The following ZNF568 variants were observed in gnomAD, a reference collection of about 807,000 sequenced individuals.
ZNF568 encodes the protein p53 inhibitor of SCO2 activation.
A neutral mutation model predicts 18.1 loss-of-function variants in ZNF568; 11 were observed. The ratio of observed to expected loss-of-function variants is 0.61; its 90% CI spans 0.38 to 1.00. The LOEUF (loss-of-function observed/expected upper bound fraction) is 1.00. Ranked by LOEUF, ZNF568 falls within the 50% of genes least tolerant of loss-of-function variation. The pLI is 0.01. For synonymous variants in ZNF568, 213 were observed against 246.6 expected (o/e 0.86, Z 1.28); for missense variants, 639 against 768.2 (o/e 0.83, Z 1.99).
At chr19:36,960,221 G>T (rs2074138217) in intron 6 of ZNF568, among the ~76,000 whole-genome samples, 2 of 147,790 alleles carry the variant, frequency 1.4e-5, no homozygotes, top group Admixed American at 1.4e-4. Context: ...GGGTTCAAGT[G>T]GTTCTCCAGC....
chr19:36,922,705 A>C lies in ZNF568; in HGVS notation c.-66A>C. The C allele has an allele frequency of 4.8e-6, 7 of 1,448,196 alleles. No individual in the cohort carries two copies. The highest frequency in any genetic ancestry group is 1.2e-5 in the South Asian group (1 of 84,890). 89.7% of individuals were successfully genotyped at this position (1,448,196 alleles called of 1,614,324 possible). ...GCCTTAGAGGCTGGAGAGTCCTGAA[A>C]GAGAGTGGACCCTGGAGTTGCTGGA... On this transcript the variant is annotated 5_prime_UTR_variant, in exon 3 of 7. Coordinates refer to ENST00000333987, the MANE Select transcript of ZNF568 (RefSeq NM_198539.4).
intron 4 of ZNF568, 186 bp from the exon 5 acceptor site, chr19:36,936,560 T>G (rs1237167214): frequency 8.5e-6 from 4 of 468,254 alleles, no homozygotes; most frequent in Non-Finnish European, 1.5e-5. Flanking sequence ...ATGTATAATG[T>G]TTTTTGTCAG....
intron 4 of ZNF568, 95 bp downstream of exon 4, chr19:36,925,353 G>A: frequency 1.7e-6 from 2 of 1,147,930 alleles, no homozygotes; most frequent in Admixed American, 2.3e-5. Context: ...AAAATAAATT[G>A]ATGAAAATAA....
chr19:36,985,816 C>A (rs1215983585), intron 2 of ZNF568, among the ~76,000 whole-genome samples: 1 of 152,180 alleles, frequency 6.6e-6, no homozygotes, highest in Non-Finnish European at 1.5e-5. Flanking sequence ...AGCCTCTACA[C>A]CTGGCCATTT....
At chr19:36,985,854 C>A (rs1003298795) in intron 2 of ZNF568, among the ~76,000 whole-genome samples, 1 of 152,022 alleles carries the variant, frequency 6.6e-6, no homozygotes, top group Non-Finnish European at 1.5e-5. Flanking sequence ...TTTGTTTAGG[C>A]AAAATTCACA....
intron 2 of ZNF568, among the ~76,000 whole-genome samples, chr19:36,987,295 C>A (rs1416734959): frequency 6.6e-6 from 1 of 152,114 alleles, no homozygotes; most frequent in Non-Finnish European, 1.5e-5. Context: ...CATTGTGTAT[C>A]TGGGTAATTG....
intron 4 of ZNF568, among the ~76,000 whole-genome samples, chr19:36,994,006 G>A (rs918295064): frequency 6.8e-6 from 1 of 147,014 alleles, no homozygotes; most frequent in Non-Finnish European, 1.5e-5. Flanking sequence ...TTGTTGATTT[G>A]AGATATCTCT....
intron 6 of ZNF568, among the ~76,000 whole-genome samples, chr19:36,948,000 C>A (rs911488760): frequency 6.6e-6 from 1 of 152,326 alleles, no homozygotes; most frequent in East Asian, 1.9e-4. Context: ...TATTATTACA[C>A]AAAGTCCATA....
At chr19:36,927,895 ATATATATATTTTTTTTTTTTTT>A (rs2073603243) in intron 4 of ZNF568, among the ~76,000 whole-genome samples, 2 of 25,764 alleles carry the variant, frequency 7.8e-5, no homozygotes, top group African/African-American at 2.4e-4. Context: ...TATTATATAT[ATATATATATTTTTTTTTTTTTT>A]TTTTTTTTTT....
chr19:36,984,089 G>C (rs1365083907), downstream of ZNF568, among the ~76,000 whole-genome samples: 2 of 148,372 alleles, frequency 1.3e-5, no homozygotes, highest in Non-Finnish European at 3.0e-5. Context: ...TTAGTAGAGA[G>C]GGGGTTTCAC....
rs1157835192 is a variant in ZNF568, at chr19:36,942,598, CA to C, written c.358+5375del. 9.6e-4 allele frequency among the ~76,000 whole-genome samples: 66 copies of C among 68,480 alleles called. No individual in the cohort carries two copies. In the East Asian group the frequency reaches 0.012, roughly 12 times the overall value. 44.9% of individuals were successfully genotyped at this position (68,480 alleles called of 152,430 possible). ...TGGGTGACAGGACCAGACTCCGTCT[CA>C]AAAAAAAAAAAAAAAAAAGAAGAAT... On this transcript the variant is annotated intron_variant, in intron 6 of 6. Coordinates refer to ENST00000333987, the MANE Select transcript of ZNF568 (RefSeq NM_198539.4).
intron 6 of ZNF568, among the ~76,000 whole-genome samples, chr19:36,961,856 A>C (rs928528100): frequency 6.8e-6 from 1 of 146,870 alleles, no homozygotes; most frequent in Non-Finnish European, 1.5e-5. Context: ...CTTTGTCTCT[A>C]TCATATTGTT....
At chr19:36,957,053 T>C (rs2074112400), downstream of ZNF568, among the ~76,000 whole-genome samples, 1 of 152,098 alleles carries the variant, frequency 6.6e-6, no homozygotes, top group South Asian at 2.1e-4. Context: ...ATACTTTAAA[T>C]TACTTAAAAG....
At chr19:36,982,825 C>G (rs2074342815), downstream of ZNF568, among the ~76,000 whole-genome samples, 1 of 152,184 alleles carries the variant, frequency 6.6e-6, no homozygotes, top group South Asian at 2.1e-4. Context: ...AAAAACCTAA[C>G]TTAGCCATGA....
chr19:36,945,231 G>GTC (rs767944828), intron 6 of ZNF568, among the ~76,000 whole-genome samples: 2,438 of 151,300 alleles, frequency 0.016, 31 homozygotes, highest in African/African-American at 0.034. Context: ...GTGTGTGTGT[G>GTC]TGTGTGTGTG....
At chr19:36,981,985 T>A (rs1194852049), downstream of ZNF568, among the ~76,000 whole-genome samples, 2 of 152,158 alleles carry the variant, frequency 1.3e-5, no homozygotes, top group African/African-American at 4.8e-5. Flanking sequence ...TTGCAGTTGA[T>A]TTTGAGATAT....
intron 6 of ZNF568, 58 bp downstream of exon 6, chr19:36,937,300 G>C: frequency 7.1e-7 from 1 of 1,418,288 alleles, no homozygotes; most frequent in South Asian, 1.2e-5. Flanking sequence ...GTTCAGTGAA[G>C]GGTTGATATC....
exon 3 of ZNF568, chr19:36,991,299 G>C (rs1243486607): frequency 6.5e-7 from 1 of 1,532,216 alleles, no homozygotes; most frequent in Non-Finnish European, 8.7e-7. Context: ...GGTCTTACTG[G>C]GTAACTTTAT....
intron 6 of ZNF568, among the ~76,000 whole-genome samples, chr19:36,958,616 CTTT>C (rs35494587): frequency 8.1e-5 from 8 of 99,126 alleles, no homozygotes; most frequent in Non-Finnish European, 1.1e-4. Flanking sequence ...CTTTTTCTTT[CTTT>C]TTTTTTTTTT....
Sources: allele counts gnomAD v4.1 joint callset (sites outside exome capture counted in the v4.1 genomes callset), GRCh38; gene constraint gnomAD v4.1.1; transcripts MANE v1.5; gene names NCBI Gene and HGNC (gene_info 2026-07-23, HGNC 2026-07-21).